Variants in KATNAL1 observed in about 807,000 individuals in gnomAD.
The protein encoded by KATNAL1 is katanin catalytic subunit A1 like 1.
A neutral mutation model predicts 55.2 loss-of-function variants in KATNAL1; 32 were observed. The ratio of observed to expected loss-of-function variants is 0.58; its 90% CI spans 0.44 to 0.78. The LOEUF (loss-of-function observed/expected upper bound fraction) is 0.78, where lower values mean the gene tolerates loss of function less well. Ranked by LOEUF, KATNAL1 falls within the 30% of genes least tolerant of loss-of-function variation. The probability of loss-of-function intolerance (pLI) is 0.00; values close to 1 mark genes in which losing one functional copy is unlikely to be tolerated. For missense variants in KATNAL1, 466 were observed against 600.9 expected, an observed-to-expected ratio of 0.78 and a Z score of 2.35; for synonymous variants, 193 against 193.6, an observed-to-expected ratio of 1.00 and a Z score of 0.02.
At position 30,301,806 on chromosome 13, in the gene KATNAL1, T is replaced by A. The variant is rs186682036; in HGVS notation, c.-15+5525A>T. On this transcript the variant is annotated intron_variant, in intron 1 of 10. Transcript: ENST00000380615. ...ACTTGTTTTTTAATTTCATAGTGCT[T>A]TGAACAGCCTAAAACCTTTCAAAAC... is the stretch of plus-strand genomic sequence containing the variant. Among the ~76,000 whole-genome samples, 30 of 152,360 alleles carry A rather than the reference T, an allele frequency of 2.0e-4. No individual in the cohort carries two copies. In the East Asian group the frequency reaches 5.4e-3, roughly 27 times the overall value.
At position 30,301,337 on chromosome 13, in the gene KATNAL1, C is replaced by T. The variant is rs531289610; in HGVS notation, c.-15+5994G>A. Among the ~76,000 whole-genome samples the T allele has an allele frequency of 2.6e-5, 4 of 152,144 alleles. No homozygotes were observed. The South Asian group carries it at 8.3e-4, about 32-fold the overall frequency. ...GAGCCGAGATGGCGCCACTGCACTCCAACCTGGGCGACAAGAGTGAGACTC... is the reference window on the plus strand; with the variant it reads ...GAGCCGAGATGGCGCCACTGCACTCTAACCTGGGCGACAAGAGTGAGACTC... On this transcript the variant is annotated intron_variant, in intron 1 of 10. Coordinates refer to ENST00000380615, the MANE Select transcript of KATNAL1 (RefSeq NM_032116.5).
intron 7 of KATNAL1, among the ~76,000 whole-genome samples, 191 bp from the exon 8 acceptor site, chr13:30,230,785 T>C (rs760917986): frequency 2.6e-5 from 4 of 152,206 alleles, no homozygotes; most frequent in Non-Finnish European, 5.9e-5. Context: ...ATAAAGGTTA[T>C]ATGGCTGGTG....
intron 10 of KATNAL1, among the ~76,000 whole-genome samples, chr13:30,210,007 C>T (rs1873516247): frequency 6.6e-6 from 1 of 152,098 alleles, no homozygotes; most frequent in African/African-American, 2.4e-5. Context: ...TGGTCTCGAT[C>T]TCCTGACCTC....
At chr13:30,267,145 C>G (rs1027851955) in intron 3 of KATNAL1, among the ~76,000 whole-genome samples, 2 of 152,166 alleles carry the variant, frequency 1.3e-5, no homozygotes, top group Non-Finnish European at 2.9e-5. Flanking sequence ...TTTGGCTCCA[C>G]AGATAGGTCG....
At chr13:30,213,841 G>GCATT (rs1429919249) in intron 9 of KATNAL1, among the ~76,000 whole-genome samples, 1 of 152,192 alleles carries the variant, frequency 6.6e-6, no homozygotes, top group Non-Finnish European at 1.5e-5. Context: ...AAAACTGGAA[G>GCATT]CATTCCCTTT....
At position 30,211,190 on chromosome 13, in the gene KATNAL1, TCTA is replaced by T. The variant is rs1873656496; in HGVS notation, c.1148-751_1148-749del. 2.6e-5 allele frequency among the ~76,000 whole-genome samples: 4 copies of T among 152,346 alleles called. No individual in the cohort carries two copies. The South Asian group carries it at 8.3e-4, about 32-fold the overall frequency. ...GATACAAAATGAAATTTAATTTTCT[TCTA>T]CTTTTATTTTGAAAAATGCCATATA... On this transcript the variant is annotated intron_variant, in intron 9 of 10. Coordinates refer to ENST00000380615, the MANE Select transcript of KATNAL1 (RefSeq NM_032116.5).
At chr13:30,219,537 GTTCT>G (rs1489027438) in intron 9 of KATNAL1, among the ~76,000 whole-genome samples, 1 of 152,216 alleles carries the variant, frequency 6.6e-6, no homozygotes, top group African/African-American at 2.4e-5. Context: ...TTCCAAAGCA[GTTCT>G]TTAACAACAA....
chr13:30,299,714 A>C (rs1212501942), intron 1 of KATNAL1, among the ~76,000 whole-genome samples: 1 of 152,202 alleles, frequency 6.6e-6, no homozygotes, highest in African/African-American at 2.4e-5. Flanking sequence ...GCATCTTCTT[A>C]CAGTATTTAC....
chr13:30,254,840 T>C (rs1878643101), intron 4 of KATNAL1, among the ~76,000 whole-genome samples: 1 of 152,222 alleles, frequency 6.6e-6, no homozygotes, highest in South Asian at 2.1e-4. Context: ...GGCTACCTCC[T>C]TAATCTGTAA....
intron 3 of KATNAL1, among the ~76,000 whole-genome samples, chr13:30,261,556 G>T (rs1879287474): frequency 1.3e-5 from 2 of 151,950 alleles, no homozygotes. Flanking sequence ...AAATAGGCAG[G>T]GGTTGCAATC....
intron 6 of KATNAL1, among the ~76,000 whole-genome samples, chr13:30,239,684 GATTT>G (rs1566100260): frequency 3.9e-5 from 5 of 128,386 alleles, no homozygotes; most frequent in Non-Finnish European, 4.9e-5. Flanking sequence ...ATACAGAAGT[GATTT>G]TTTTTTTTTT....
intron 2 of KATNAL1, among the ~76,000 whole-genome samples, chr13:30,280,498 A>G (rs1279887840): frequency 1.3e-5 from 2 of 152,220 alleles, no homozygotes; most frequent in African/African-American, 4.8e-5. Context: ...GATCATTAAT[A>G]CAATTTAAAA....
At chr13:30,230,025 C>T (rs1875930964) in intron 8 of KATNAL1, among the ~76,000 whole-genome samples, 1 of 147,192 alleles carries the variant, frequency 6.8e-6, no homozygotes, top group Non-Finnish European at 1.5e-5. Context: ...CTCATATCTG[C>T]TTCTGCTTTC....
chr13:30,299,362 T>C (rs2137569517), intron 1 of KATNAL1, among the ~76,000 whole-genome samples: 1 of 152,230 alleles, frequency 6.6e-6, no homozygotes, highest in Non-Finnish European at 1.5e-5. Context: ...TTAAATGTGA[T>C]CATATGTTAA....
intron 9 of KATNAL1, among the ~76,000 whole-genome samples, chr13:30,216,941 T>C (rs1874322662): frequency 1.3e-5 from 2 of 152,160 alleles, no homozygotes; most frequent in South Asian, 4.1e-4. Context: ...AAGTTTAATA[T>C]ATTCTCCCAC....
At chr13:30,233,140 T>G (rs1876271795) in intron 6 of KATNAL1, among the ~76,000 whole-genome samples, 2 of 152,092 alleles carry the variant, frequency 1.3e-5, no homozygotes, top group South Asian at 4.2e-4. Flanking sequence ...CTAAAAAGCT[T>G]CTGCACAGCA....
chr13:30,253,499 T>C (rs919188392), intron 4 of KATNAL1, among the ~76,000 whole-genome samples: 1 of 151,770 alleles, frequency 6.6e-6, no homozygotes, highest in Non-Finnish European at 1.5e-5. Flanking sequence ...ACGCCTCCAC[T>C]AAAAATACAA....
intron 1 of KATNAL1, 87 bp from the exon 2 acceptor site, chr13:30,283,878 T>A: frequency 3.6e-5 from 6 of 168,032 alleles, no homozygotes; most frequent in East Asian, 1.7e-4. Flanking sequence ...TTAAAACTAC[T>A]TTTTTTTTTT....
chr13:30,213,130 G>T (rs1278923565), intron 9 of KATNAL1, among the ~76,000 whole-genome samples: 1 of 152,150 alleles, frequency 6.6e-6, no homozygotes, highest in Non-Finnish European at 1.5e-5. Flanking sequence ...TACCATCAGA[G>T]AATACTACAA....
Sources: allele counts gnomAD v4.1 joint callset (sites outside exome capture counted in the v4.1 genomes callset), GRCh38; gene constraint gnomAD v4.1.1; transcripts MANE v1.5; gene names NCBI Gene and HGNC (gene_info 2026-07-23, HGNC 2026-07-21).